WDR76: variants seen among roughly 807,000 people sequenced by gnomAD.
The protein encoded by WDR76 is WD repeat-containing protein 76.
In WDR76, 52 loss-of-function variants were observed where a neutral mutation model predicts 70.2. That is an observed-to-expected ratio of 0.74 (90% CI 0.59 to 0.93). WDR76 has a LOEUF of 0.93. Among genes scored for constraint, WDR76 ranks in the 40% least tolerant of loss-of-function variants. The pLI is 0.00. For synonymous variants in WDR76, 292 were observed against 271.1 expected, an observed-to-expected ratio of 1.08 and a Z score of -0.76; for missense variants, 756 against 760.2, an observed-to-expected ratio of 0.99 and a Z score of 0.07.
At position 43,828,127 on chromosome 15, in the gene WDR76, T is replaced by A. The variant is rs2087539728; in HGVS notation, c.223T>A (p.Ser75Thr). The A allele has an allele frequency of 6.2e-7, 1 of 1,614,136 alleles. No individual in the cohort carries two copies. Among genetic ancestry groups the A allele is most frequent in the African/African-American group, 1.3e-5 (1 of 75,036 alleles). ...MCPKSLSEKNSNNEVACKKTK... is the reference protein window; with the variant it reads ...MCPKSLSEKNTNNEVACKKTK... Reference sequence around the variant, plus strand: ...CCCCAAATCCCTATCAGAAAAGAATTCTAACAATGAAGTGGCGTGTAAGAA... The same window carrying A: ...CCCCAAATCCCTATCAGAAAAGAATACTAACAATGAAGTGGCGTGTAAGAA... The change falls in exon 2 of 13, where the codon TCT becomes ACT. Residue 75 changes from serine (S) to threonine (T), a missense_variant. By Grantham distance (58) the Ser-to-Thr change is moderately conservative. Coordinates refer to ENST00000263795, the MANE Select transcript of WDR76 (RefSeq NM_024908.4).
intron 7 of WDR76, 148 bp downstream of exon 7, chr15:43,842,819 C>A (rs1360190586): frequency 2.9e-6 from 2 of 699,772 alleles, no homozygotes; most frequent in African/African-American, 1.8e-5. Flanking sequence ...ACAAGTGTTG[C>A]CATATACAAT....
chr15:43,842,361 G>C (rs2087735144), intron 5 of WDR76, 54 bp from the exon 6 acceptor site: 8 of 1,533,676 alleles, frequency 5.2e-6, no homozygotes, highest in Non-Finnish European at 6.3e-6. Flanking sequence ...CCCTCCTTGT[G>C]TTTATATTCT....
In WDR76 at chr15:43,831,445, C is replaced by CT. The variant is rs929042289; in HGVS notation, c.462+3090dup. Among the ~76,000 whole-genome samples, 133 of 145,832 alleles carry CT rather than the reference C, an allele frequency of 9.1e-4. 2 individuals carry two copies. In the East Asian group the frequency reaches 0.016, roughly 18 times the overall value. On this transcript the variant is annotated intron_variant, in intron 2 of 12. Coordinates refer to ENST00000263795, the MANE Select transcript of WDR76 (RefSeq NM_024908.4). ...TGAGCCACTGAGCCCAGCCAAGATA[C>CT]TTTTTTTTTTTGAGACAGGGTCTCA...
chr15:43,850,440 T>C (rs924944902), intron 8 of WDR76, among the ~76,000 whole-genome samples: 1 of 151,924 alleles, frequency 6.6e-6, no homozygotes, highest in Non-Finnish European at 1.5e-5. Context: ...GGACTACAGG[T>C]GCCGGCCACC....
chr15:43,848,706 T>C (rs1019689600), intron 8 of WDR76, among the ~76,000 whole-genome samples: 2 of 152,088 alleles, frequency 1.3e-5, no homozygotes, highest in Admixed American at 1.3e-4. Flanking sequence ...TTTGGGAGGC[T>C]GAGGCAGGTG....
intron 9 of WDR76, among the ~76,000 whole-genome samples, chr15:43,855,591 T>A (rs1352874484): frequency 1.3e-5 from 2 of 151,998 alleles, no homozygotes; most frequent in Non-Finnish European, 2.9e-5. Context: ...CATCCCCTCT[T>A]AATTGACAGG....
chr15:43,845,523 G>A (rs2087777685), intron 8 of WDR76, among the ~76,000 whole-genome samples: 2 of 150,368 alleles, frequency 1.3e-5, no homozygotes, highest in Non-Finnish European at 3.0e-5. Flanking sequence ...CTGGAAGCTT[G>A]ATCTTGGTCT....
chr15:43,845,317 A>G (rs2140304309), intron 8 of WDR76, among the ~76,000 whole-genome samples: 2 of 150,274 alleles, frequency 1.3e-5, no homozygotes, highest in East Asian at 1.9e-4. Flanking sequence ...GTCTTCCCCA[A>G]AATTCATATG....
chr15:43,858,915 C>G lies in WDR76; in HGVS notation c.1562+92C>G, dbSNP rs145973455. On this transcript the variant is annotated intron_variant, in intron 11 of 12. Coordinates refer to ENST00000263795, the MANE Select transcript of WDR76 (RefSeq NM_024908.4). Reference sequence around the variant, plus strand: ...CAAAAGCTTTGTTTACTGCTGTTCCCTATTAAATTGCTAGTGTTATTGTTT... The same window carrying G: ...CAAAAGCTTTGTTTACTGCTGTTCCGTATTAAATTGCTAGTGTTATTGTTT... The G allele has an allele frequency of 2.7e-3, 3,889 of 1,435,664 alleles. 10 individuals are homozygous for G. The highest frequency in any genetic ancestry group is 3.0e-3 in the Non-Finnish European group (3,231 of 1,060,866). 88.9% of individuals were successfully genotyped at this position (1,435,664 alleles called of 1,614,324 possible).
intron 9 of WDR76, among the ~76,000 whole-genome samples, chr15:43,855,207 T>G (rs2087913639): frequency 6.6e-6 from 1 of 152,242 alleles, no homozygotes; most frequent in African/African-American, 2.4e-5. Flanking sequence ...CAGATACCAC[T>G]GACTAAACAG....
chr15:43,847,167 TCA>T (rs1169279581), intron 8 of WDR76, among the ~76,000 whole-genome samples: 1 of 152,174 alleles, frequency 6.6e-6, no homozygotes, highest in Non-Finnish European at 1.5e-5. Context: ...TATCCTGTGC[TCA>T]CAATTTCCCC....
Position 43,837,609 on chromosome 15 carries a change from G to A in WDR76, c.608+1393G>A, listed in dbSNP as rs114859531. Among the ~76,000 whole-genome samples, 414 of 152,078 alleles carry A rather than the reference G, an allele frequency of 2.7e-3. 3 individuals carry two copies. Among genetic ancestry groups the A allele is most frequent in the African/African-American group, 9.6e-3 (399 of 41,488 alleles). On this transcript the variant is annotated intron_variant, in intron 4 of 12. Transcript: ENST00000263795. ...CACTTACAGCTATGACAGTAACCTT[G>A]GATACTTTATATAATTTTTCTTTCT... is the stretch of plus-strand genomic sequence containing the variant.
At chr15:43,844,820 CG>C (rs1435521432) in intron 8 of WDR76, among the ~76,000 whole-genome samples, 1 of 135,424 alleles carries the variant, frequency 7.4e-6, no homozygotes, top group Admixed American at 8.0e-5. Context: ...CCCAGCTACT[CG>C]GGAGGCTGAA....
chr15:43,856,988 T>A lies in WDR76; in HGVS notation c.1234T>A (p.Leu412Met). The A allele has an allele frequency of 6.2e-7, 1 of 1,614,140 alleles. No individual in the cohort carries two copies. The highest frequency in any genetic ancestry group is 8.5e-7 in the Non-Finnish European group (1 of 1,180,014). The stretch of plus-strand genomic sequence containing the variant: ...AAGTAGCTTTTCCTCCTTCGACTTC[T>A]TGGCAGAAGATGCCTCCACTTTAAT... ...ERSSFSSFDFLAEDASTLIVG... is the reference protein window; with the variant it reads ...ERSSFSSFDFMAEDASTLIVG... Residue 412 changes from leucine (L) to methionine (M), a missense_variant, in exon 10 of 13, where the codon TTG (leucine) becomes ATG (methionine). Transcript: ENST00000263795.
Position 43,842,654 on chromosome 15 carries a change from A to T in WDR76, c.861A>T (p.Gly287=), listed in dbSNP as rs367593495. The change falls in exon 7 of 13, where the codon GGA becomes GGT. Residue 287 remains glycine (G), a synonymous_variant. Transcript: ENST00000263795. ...CAAGTAGTAAGAACACTGAGAAGGGATTATCTAGCATTAAAAGGTAAGTTG... is the reference window on the plus strand; with the variant it reads ...CAAGTAGTAAGAACACTGAGAAGGGTTTATCTAGCATTAAAAGGTAAGTTG... ...SKPSSKNTEK[G]LSSIKSYKAN... 1.9e-6 allele frequency: 3 copies of T among 1,609,222 alleles called. No individual in the cohort carries two copies. The highest frequency in any genetic ancestry group is 2.5e-6 in the Non-Finnish European group (3 of 1,178,640).
intron 4 of WDR76, among the ~76,000 whole-genome samples, chr15:43,836,856 C>A (rs1475581034): frequency 6.6e-5 from 10 of 150,576 alleles, no homozygotes; most frequent in African/African-American, 2.2e-4. Flanking sequence ...CATGGAGAAA[C>A]CCCATCGCTA....
intron 10 of WDR76, among the ~76,000 whole-genome samples, chr15:43,857,817 C>G (rs1413514939): frequency 8.8e-6 from 1 of 113,086 alleles, no homozygotes; most frequent in Non-Finnish European, 1.7e-5. Flanking sequence ...AGACTCTTGT[C>G]TCCAAAAAAA....
At position 43,842,504 on chromosome 15, in the gene WDR76, A is replaced by G. The variant is rs749769593; in HGVS notation, c.822A>G (p.Ala274=). 1 of 1,613,936 alleles carries G rather than the reference A, an allele frequency of 6.2e-7. No homozygotes were observed. The highest frequency in any genetic ancestry group is 1.1e-5 in the South Asian group (1 of 91,036). Residue 274 remains alanine (A), a synonymous_variant, in exon 6 of 13, where the codon GCA becomes GCG. Coordinates refer to ENST00000263795, the MANE Select transcript of WDR76 (RefSeq NM_024908.4). The part of the protein sequence containing the change: ...ERFKGFLHTW[A]GMSKPSSKNT... ...TTAAAGGATTTCTGCACACATGGGCAGGAATGAGCAAGGTATCACTTGGGA... is the reference window on the plus strand; with the variant it reads ...TTAAAGGATTTCTGCACACATGGGCGGGAATGAGCAAGGTATCACTTGGGA...
intron 12 of WDR76, among the ~76,000 whole-genome samples, chr15:43,865,735 G>T (rs1452102530): frequency 6.6e-6 from 1 of 152,184 alleles, no homozygotes; most frequent in Non-Finnish European, 1.5e-5. Flanking sequence ...AATTTATGTA[G>T]GGTGACTATT....
Sources: gnomAD v4.1 joint callset for allele counts (sites outside exome capture counted in the v4.1 genomes callset) on GRCh38, gnomAD v4.1.1 for gene constraint, MANE v1.5 for transcripts, NCBI Gene and HGNC (gene_info 2026-07-23, HGNC 2026-07-21) for gene names.